Variants in SPPL3 observed in about 807,000 individuals in gnomAD.
SPPL3 encodes the protein signal peptide peptidase like 3.
SPPL3 carries 5 observed loss-of-function variants against 42.4 expected under a neutral mutation model. The ratio of observed to expected loss-of-function variants is 0.12; its 90% CI spans 0.06 to 0.25. The LOEUF (loss-of-function observed/expected upper bound fraction) is 0.25. SPPL3 is among the 10% of genes least tolerant of loss of function. The pLI, the probability that SPPL3 is intolerant of heterozygous loss-of-function variation, is 1.00. For missense variants in SPPL3, 235 were observed against 489.0 expected (o/e 0.48, Z 4.90); for synonymous variants, 195 against 181.8 (o/e 1.07, Z -0.58).
At chr12:120,806,366 AT>A (rs939989436) in intron 2 of SPPL3, among the ~76,000 whole-genome samples, 1 of 151,966 alleles carries the variant, frequency 6.6e-6, no homozygotes, top group Non-Finnish European at 1.5e-5. Flanking sequence ...TCAGCAATGC[AT>A]TTTTGACAAC....
chr12:120,801,723 T>A (rs1264805937), intron 2 of SPPL3, among the ~76,000 whole-genome samples: 1 of 152,218 alleles, frequency 6.6e-6, no homozygotes, highest in African/African-American at 2.4e-5. Flanking sequence ...AAGCTGCACA[T>A]GAGCTGTCTT....
intron 1 of SPPL3, among the ~76,000 whole-genome samples, chr12:120,815,749 C>CA (rs1870848285): frequency 6.6e-6 from 1 of 151,870 alleles, no homozygotes; most frequent in African/African-American, 2.4e-5. Context: ...TTTTTTGAGA[C>CA]AGAGTCTCGC....
chr12:120,846,726 GGAAAGCTGGCAAAATGGAA>G (rs1420737028), intron 1 of SPPL3, among the ~76,000 whole-genome samples: 1 of 152,140 alleles, frequency 6.6e-6, no homozygotes. Context: ...AATGGCTTGT[GGAAAGCTGGCAAAATGGAA>G]TAGAAGTAGT....
At chr12:120,829,860 G>A (rs1871341511) in intron 1 of SPPL3, among the ~76,000 whole-genome samples, 1 of 151,950 alleles carries the variant, frequency 6.6e-6, no homozygotes, top group South Asian at 2.1e-4. Flanking sequence ...CAGCTGTGGT[G>A]GCAGGCATCT....
At chr12:120,827,825 T>C (rs1871275909) in intron 1 of SPPL3, among the ~76,000 whole-genome samples, 1 of 152,130 alleles carries the variant, frequency 6.6e-6, no homozygotes, top group Non-Finnish European at 1.5e-5. Context: ...TCTCACTCTG[T>C]TGCCCAGGCT....
chr12:120,791,964 T>C (rs1869930631), intron 2 of SPPL3: 1 of 180,308 alleles, frequency 5.5e-6, no homozygotes, highest in African/African-American at 2.4e-5. Flanking sequence ...CATTTCCCTA[T>C]ACCCTGTCAG....
intron 1 of SPPL3, among the ~76,000 whole-genome samples, chr12:120,876,811 A>G (rs1873115724): frequency 1.1e-4 from 1 of 9,008 alleles, no homozygotes; most frequent in Non-Finnish European, 2.7e-4. Flanking sequence ...AAACACATAC[A>G]CACACACACA....
chr12:120,829,373 A>G (rs928141151), intron 1 of SPPL3, among the ~76,000 whole-genome samples: 3 of 152,146 alleles, frequency 2.0e-5, no homozygotes, highest in African/African-American at 7.2e-5. Flanking sequence ...CGGCAGGCGG[A>G]TCACTTGAGG....
At chr12:120,889,986 C>T (rs1440597088) in intron 1 of SPPL3, among the ~76,000 whole-genome samples, 1 of 152,198 alleles carries the variant, frequency 6.6e-6, no homozygotes, top group Non-Finnish European at 1.5e-5. Flanking sequence ...TGGCTCACGC[C>T]TGTAATCCCA....
At chr12:120,779,109 C>T in intron 6 of SPPL3, among the ~76,000 whole-genome samples, 1 of 152,112 alleles carries the variant, frequency 6.6e-6, no homozygotes, top group East Asian at 1.9e-4. Flanking sequence ...AAATAAAAAC[C>T]CCAAACAATG....
chr12:120,773,404 T>C (rs1251881103), intron 6 of SPPL3, among the ~76,000 whole-genome samples: 1 of 152,130 alleles, frequency 6.6e-6, no homozygotes, highest in Non-Finnish European at 1.5e-5. Context: ...GGTGAATACA[T>C]GGAATGCAAG....
At chr12:120,873,546 C>T (rs1188902804) in intron 1 of SPPL3, among the ~76,000 whole-genome samples, 1 of 152,068 alleles carries the variant, frequency 6.6e-6, no homozygotes, top group Non-Finnish European at 1.5e-5. Context: ...CTTCAAGTGT[C>T]CAGAAGGAAA....
chr12:120,862,013 A>G (rs1190767190), intron 1 of SPPL3, among the ~76,000 whole-genome samples: 2 of 152,350 alleles, frequency 1.3e-5, no homozygotes, highest in Middle Eastern at 6.8e-3. Flanking sequence ...ATGAATTACA[A>G]TGTAGGCAGT....
At chr12:120,781,052 C>A (rs1371722968) in intron 6 of SPPL3, among the ~76,000 whole-genome samples, 3 of 152,142 alleles carry the variant, frequency 2.0e-5, no homozygotes, top group African/African-American at 7.2e-5. Flanking sequence ...CCTTTGTTTA[C>A]TCTTTTGAAA....
intron 1 of SPPL3, among the ~76,000 whole-genome samples, chr12:120,812,013 A>G (rs1319034571): frequency 1.3e-5 from 2 of 152,008 alleles, no homozygotes; most frequent in African/African-American, 4.8e-5. Flanking sequence ...GGACACAATA[A>G]ACAGGACCTG....
At chr12:120,782,608 A>AC in intron 6 of SPPL3, 47 bp downstream of exon 6, 1 of 1,394,724 alleles carries the variant, frequency 7.2e-7, no homozygotes, top group Non-Finnish European at 1.0e-6. Flanking sequence ...AGTATCTATA[A>AC]AACTCTATAA....
chr12:120,875,604 G>C (rs1246284388), intron 1 of SPPL3, among the ~76,000 whole-genome samples: 3 of 150,046 alleles, frequency 2.0e-5, no homozygotes, highest in African/African-American at 7.4e-5. Flanking sequence ...CCTCTAGCCT[G>C]GGCGACAGAG....
chr12:120,862,952 A>G (rs891612887), intron 1 of SPPL3, among the ~76,000 whole-genome samples: 13 of 152,350 alleles, frequency 8.5e-5, no homozygotes, highest in African/African-American at 2.4e-4. Flanking sequence ...CTTCTCATGA[A>G]TAACAAAAGA....
rs1592949843 is a variant in SPPL3, at chr12:120,763,772, T to A, written c.*1227A>T. The A allele has an allele frequency of 6.7e-6, 1 of 149,150 alleles. No individual in the cohort carries two copies. The highest frequency in any genetic ancestry group is 1.5e-5 in the Non-Finnish European group (1 of 67,806). The allele number at this position is 149,150 out of a possible 1,614,324, so 9.2% of individuals were successfully genotyped here. A position where few individuals can be genotyped will look rare whatever the true frequency, so the allele number is the denominator to read the frequency against. ...CACCACAGGTAAACCAAGACTATAA[T>A]CACAACAGCAAGGACAGGATTGTGT... On this transcript the variant is annotated 3_prime_UTR_variant, in exon 11 of 11. Coordinates refer to ENST00000353487, the MANE Select transcript of SPPL3 (RefSeq NM_139015.5).
Sources: allele counts gnomAD v4.1 joint callset (sites outside exome capture counted in the v4.1 genomes callset), GRCh38; gene constraint gnomAD v4.1.1; transcripts MANE v1.5; gene names NCBI Gene and HGNC (gene_info 2026-07-23, HGNC 2026-07-21).